The following UBP1 variants were observed in gnomAD, a reference collection of about 807,000 sequenced individuals.
The protein encoded by UBP1 is upstream binding protein 1.
UBP1 carries 22 observed loss-of-function variants against 76.1 expected under a neutral mutation model. That is an observed-to-expected ratio of 0.29 (90% CI 0.21 to 0.41). The LOEUF is 0.41. Ranked by LOEUF, UBP1 falls within the 10% of genes least tolerant of loss-of-function variation. UBP1 has a pLI of 1.00. For missense variants in UBP1, 436 were observed against 668.1 expected (o/e 0.65, Z 3.83); for synonymous variants, 224 against 237.1 (o/e 0.94, Z 0.51).
intron 6 of UBP1, 25 bp downstream of exon 6, chr3:33,409,424 A>G: frequency 1.2e-6 from 2 of 1,613,974 alleles, no homozygotes; most frequent in South Asian, 2.2e-5. Flanking sequence ...CCTTAATTAC[A>G]GAAAACCCGG....
chr3:33,401,175 C>T (rs2044215307), intron 9 of UBP1, among the ~76,000 whole-genome samples, 159 bp from the exon 10 acceptor site: 1 of 152,140 alleles, frequency 6.6e-6, no homozygotes, highest in Non-Finnish European at 1.5e-5. Flanking sequence ...AGCGCAACAG[C>T]TTAGGGTGTG....
In UBP1 at chr3:33,402,856, A is replaced by T; in HGVS notation, c.976T>A (p.Ser326Thr). The T allele has an allele frequency of 6.2e-7, 1 of 1,610,108 alleles. No homozygotes were observed. The highest frequency in any genetic ancestry group is 8.5e-7 in the Non-Finnish European group (1 of 1,178,608). Residue 326 changes from serine to threonine, a missense_variant, in exon 9 of 16, where the codon TCC becomes ACC. Ser to Thr is a moderately conservative substitution (Grantham distance 58). Transcript: ENST00000283629. ...APTAYVNNSP[S>T]PAPTFTSPQQ... ...GGGGAGGTGAAAGTGGGCGCTGGGG[A>T]AGGGCTGTTATTCACATAGGCTGTG...
At chr3:33,412,860 A>G in intron 3 of UBP1, 33 bp from the exon 4 acceptor site, 1 of 1,411,508 alleles carries the variant, frequency 7.1e-7, no homozygotes, top group Non-Finnish European at 1.0e-6. Flanking sequence ...GAGTACTTTT[A>G]AACTGCTCCA....
At chr3:33,394,314 G>A (rs1283690316) in intron 13 of UBP1, among the ~76,000 whole-genome samples, 3 of 151,984 alleles carry the variant, frequency 2.0e-5, no homozygotes, top group South Asian at 2.1e-4. Context: ...CCAAAGTGCT[G>A]GGATTACAGG....
intron 4 of UBP1, 24 bp from the exon 5 acceptor site, chr3:33,411,711 T>C (rs1559680998): frequency 1.9e-6 from 3 of 1,578,042 alleles, no homozygotes. Flanking sequence ...AGAAGTTACA[T>C]AAAAACATCC....
chr3:33,409,704 C>T, intron 5 of UBP1, 103 bp from the exon 6 acceptor site: 1 of 1,438,094 alleles, frequency 7.0e-7, no homozygotes, highest in East Asian at 2.3e-5. Context: ...AATTCAAGAT[C>T]CTTTAAAATA....
intron 1 of UBP1, among the ~76,000 whole-genome samples, chr3:33,429,278 A>G (rs928695135): frequency 1.3e-5 from 2 of 152,188 alleles, no homozygotes; most frequent in Non-Finnish European, 2.9e-5. Flanking sequence ...GGTTTTTGTA[A>G]TCCCATAAAT....
intron 2 of UBP1, among the ~76,000 whole-genome samples, chr3:33,422,041 T>A (rs2044908932): frequency 6.6e-6 from 1 of 151,866 alleles, no homozygotes; most frequent in South Asian, 2.1e-4. Context: ...AGACCCTGTC[T>A]CAAAAAATAA....
At chr3:33,430,350 G>A (rs563171982) in intron 1 of UBP1, among the ~76,000 whole-genome samples, 10 of 152,306 alleles carry the variant, frequency 6.6e-5, no homozygotes, top group South Asian at 2.1e-4. Context: ...AGGGTGAAGG[G>A]AAAGTACTGG....
intron 5 of UBP1, among the ~76,000 whole-genome samples, chr3:33,411,324 A>T (rs1575472635): frequency 6.6e-6 from 1 of 152,346 alleles, no homozygotes; most frequent in Non-Finnish European, 1.5e-5. Context: ...CATGAAAAAT[A>T]GACATTTTCA....
chr3:33,393,519 T>C (rs913161439), intron 13 of UBP1, 65 bp from the exon 14 acceptor site: 20 of 1,503,962 alleles, frequency 1.3e-5, no homozygotes, highest in Non-Finnish European at 1.7e-5. Flanking sequence ...TTCTGCCTGA[T>C]CTGTAGGATC....
chr3:33,391,828 A>C (rs2043775961), intron 15 of UBP1: 1 of 152,242 alleles, frequency 6.6e-6, no homozygotes, highest in African/African-American at 2.4e-5. Flanking sequence ...TCCTTTGTTT[A>C]AACAACTTCA....
intron 14 of UBP1, 125 bp from the exon 15 acceptor site, chr3:33,392,739 T>C (rs1014045501): frequency 1.2e-6 from 1 of 857,600 alleles, no homozygotes; most frequent in Non-Finnish European, 1.8e-6. Flanking sequence ...CGATAATTCA[T>C]GAAGGCAGTG....
chr3:33,398,222 CACTT>C (rs1218370363), intron 11 of UBP1: 1 of 152,126 alleles, frequency 6.6e-6, no homozygotes, highest in Non-Finnish European at 1.5e-5. Flanking sequence ...GATAAATAGC[CACTT>C]ACATATGTAG....
chr3:33,392,715 C>T (rs2043817749), intron 14 of UBP1, 101 bp from the exon 15 acceptor site: 2 of 1,093,946 alleles, frequency 1.8e-6, no homozygotes, highest in Non-Finnish European at 2.6e-6. Context: ...AAACACAGGA[C>T]TCAATGGCCA....
chr3:33,393,091 T>TG (rs1008586683), intron 14 of UBP1: 2 of 489,822 alleles, frequency 4.1e-6, no homozygotes, highest in African/African-American at 2.0e-5. Flanking sequence ...CCTAAAGGGC[T>TG]GGGGGGAGGC....
intron 9 of UBP1, among the ~76,000 whole-genome samples, chr3:33,402,190 C>T (rs983021731): frequency 3.3e-5 from 5 of 152,310 alleles, no homozygotes; most frequent in African/African-American, 7.2e-5. Flanking sequence ...AATGGAAAGC[C>T]GCCATGGGGT....
chr3:33,431,186 A>G (rs2045105913), intron 1 of UBP1, among the ~76,000 whole-genome samples: 1 of 152,148 alleles, frequency 6.6e-6, no homozygotes, highest in African/African-American at 2.4e-5. Context: ...ATATAGGTAA[A>G]AAGAAGTTAT....
chr3:33,436,091 TTC>T (rs1261667338), intron 1 of UBP1, among the ~76,000 whole-genome samples: 4 of 152,362 alleles, frequency 2.6e-5, no homozygotes, highest in African/African-American at 9.6e-5. Context: ...TAAGTTGAAA[TTC>T]TGTTACCTTA....
Sources: gnomAD v4.1 joint callset for allele counts (sites outside exome capture counted in the v4.1 genomes callset) on GRCh38, gnomAD v4.1.1 for gene constraint, MANE v1.5 for transcripts, NCBI Gene and HGNC (gene_info 2026-07-23, HGNC 2026-07-21) for gene names.